Variants in CD80 observed in about 807,000 individuals in gnomAD.
CD80 encodes CD80 molecule.
Under a neutral mutation model 27.1 loss-of-function variants are expected in CD80, and 13 were observed. The ratio of observed to expected loss-of-function variants is 0.48; its 90% confidence interval spans 0.31 to 0.76. The LOEUF is 0.76. Among genes scored for constraint, CD80 ranks in the 30% least tolerant of loss-of-function variants. The pLI, the probability that CD80 is intolerant of heterozygous loss-of-function variation, is 0.04. For synonymous variants in CD80, 125 were observed against 125.5 expected, an observed-to-expected ratio of 1.00 and a Z score of 0.03; for missense variants, 277 against 347.9, an observed-to-expected ratio of 0.80 and a Z score of 1.62.
intron 2 of CD80, among the ~76,000 whole-genome samples, chr3:119,552,769 G>C (rs990201446): frequency 6.6e-6 from 1 of 152,104 alleles, no homozygotes; most frequent in African/African-American, 2.4e-5. Context: ...TACGCAACAT[G>C]GATGAACCTG....
chr3:119,541,049 C>CA (rs112578347), intron 3 of CD80, among the ~76,000 whole-genome samples: 26,789 of 141,160 alleles, frequency 0.19, 2,794 homozygotes, highest in African/African-American at 0.29. Flanking sequence ...GACTCCATCT[C>CA]AAAAAAAAAA....
chr3:119,551,919 C>T (rs889789608), intron 2 of CD80, among the ~76,000 whole-genome samples: 2 of 152,224 alleles, frequency 1.3e-5, no homozygotes, highest in East Asian at 1.9e-4. Flanking sequence ...CCTCCTGCAC[C>T]TCTACCCAGC....
chr3:119,544,720 A>G lies in CD80; in HGVS notation c.248T>C (p.Ile83Thr), dbSNP rs2107744977. ...GGTCCGGTTCTTGTACTCGGGCCAT[A>G]TATTCATGTCCCCAGACATCATAGT... is the stretch of plus-strand genomic sequence containing the variant. The part of the protein sequence containing the change: ...VLTMMSGDMN[I>T]WPEYKNRTIF... Residue 83 changes from isoleucine to threonine, a missense_variant, in exon 3 of 7, where the codon ATA (isoleucine) becomes ACA (threonine). Physicochemically the swap from Ile to Thr is moderately conservative, Grantham distance 89. Coordinates refer to ENST00000264246, the MANE Select transcript of CD80 (RefSeq NM_005191.4). 6.2e-7 allele frequency: 1 copy of G among 1,614,198 alleles called. No individual in the cohort carries two copies. Among genetic ancestry groups the G allele is most frequent in the East Asian group, 2.2e-5 (1 of 44,884 alleles).
Position 119,544,876 on chromosome 3 carries a change from A to C in CD80, c.101-9T>G. On this transcript the variant is annotated splice_polypyrimidine_tract_variant and intron_variant, in intron 2 of 6. Coordinates refer to ENST00000264246, the MANE Select transcript of CD80 (RefSeq NM_005191.4). ...GGTCACGTGGATAACACCTATGGAG[A>C]GGCAAACAGAACAAGATTGTATATT... is the stretch of plus-strand genomic sequence containing the variant. The C allele has an allele frequency of 2.5e-6, 4 of 1,608,388 alleles. No individual in the cohort carries two copies. The highest frequency in any genetic ancestry group is 3.4e-6 in the Non-Finnish European group (4 of 1,175,838).
At chr3:119,549,032 G>A (rs529789207) in intron 2 of CD80, among the ~76,000 whole-genome samples, 68 of 150,130 alleles carry the variant, frequency 4.5e-4, no homozygotes, top group African/African-American at 1.3e-3. Flanking sequence ...GTGAGACTCC[G>A]TCTCAAAATA....
At chr3:119,551,258 A>C (rs1353951323) in intron 2 of CD80, among the ~76,000 whole-genome samples, 1 of 152,194 alleles carries the variant, frequency 6.6e-6, no homozygotes, top group Non-Finnish European at 1.5e-5. Context: ...TCTGGGCTTC[A>C]GGTTCCATCT....
chr3:119,544,229 G>A (rs1161256370), intron 3 of CD80: 3 of 324,718 alleles, frequency 9.2e-6, no homozygotes, highest in Non-Finnish European at 1.7e-5. Flanking sequence ...TATATTGCTG[G>A]GTCAAGTGCA....
At position 119,527,732 on chromosome 3, in the gene CD80, C is replaced by A; in HGVS notation, c.*38+1G>T. 6.5e-7 allele frequency: 1 copy of A among 1,544,616 alleles called. No homozygotes were observed. The highest frequency in any genetic ancestry group is 9.0e-7 in the Non-Finnish European group (1 of 1,117,024). On this transcript the variant is annotated splice_donor_variant, in intron 6 of 6. Coordinates refer to ENST00000264246, the MANE Select transcript of CD80 (RefSeq NM_005191.4). LOFTEE classifies it low-confidence loss of function (3UTR_SPLICE). ...ATCCCAGAAGAGATGACGGAGGCTA[C>A]CTTCAGATCTTTTCAGCCCCTTGCT...
chr3:119,544,272 C>T (rs533230916), intron 3 of CD80: 3 of 432,946 alleles, frequency 6.9e-6, no homozygotes, highest in Non-Finnish European at 1.3e-5. Flanking sequence ...ATCAAAGATG[C>T]CCCTTGGTGA....
chr3:119,556,888 C>T lies in CD80; in HGVS notation c.100+741G>A, dbSNP rs143539746. Among the ~76,000 whole-genome samples, 49 of 152,142 alleles carry T rather than the reference C, an allele frequency of 3.2e-4. No homozygotes were observed. In the East Asian group the frequency reaches 9.1e-3, roughly 28 times the overall value. ...AACCATCCTGCCAGCAGGGACAAGC[C>T]TCACCCTTCTTGACAGTCCCAAAAG... On this transcript the variant is annotated intron_variant, in intron 2 of 6. Coordinates refer to ENST00000264246, the MANE Select transcript of CD80 (RefSeq NM_005191.4).
At chr3:119,545,479 T>C (rs953840216) in intron 2 of CD80, among the ~76,000 whole-genome samples, 1 of 152,214 alleles carries the variant, frequency 6.6e-6, no homozygotes, top group African/African-American at 2.4e-5. Context: ...AATCTGAAAC[T>C]CTATGCCCAT....
intron 2 of CD80, among the ~76,000 whole-genome samples, chr3:119,546,367 A>G (rs2082202794): frequency 6.6e-6 from 1 of 152,134 alleles, no homozygotes; most frequent in African/African-American, 2.4e-5. Flanking sequence ...TGGTGGCTCT[A>G]TGGAGGGGAC....
At chr3:119,557,528 C>G (rs1460819093) in intron 2 of CD80, 101 bp downstream of exon 2, 2 of 690,244 alleles carry the variant, frequency 2.9e-6, no homozygotes, top group African/African-American at 1.8e-5. Context: ...AAGGTTCCTT[C>G]CAGCTTATAG....
chr3:119,555,049 C>A (rs2082255142), intron 2 of CD80, among the ~76,000 whole-genome samples: 1 of 152,178 alleles, frequency 6.6e-6, no homozygotes, highest in South Asian at 2.1e-4. Context: ...CTTAGAAATG[C>A]AGAATCTCAG....
At chr3:119,540,012 T>C (rs1217182905) in intron 3 of CD80, among the ~76,000 whole-genome samples, 1 of 152,134 alleles carries the variant, frequency 6.6e-6, no homozygotes, top group Non-Finnish European at 1.5e-5. Flanking sequence ...CAGGCTGGAG[T>C]GCAGTGGCAC....
intron 2 of CD80, among the ~76,000 whole-genome samples, chr3:119,545,272 A>T (rs942028711): frequency 6.6e-6 from 1 of 152,146 alleles, no homozygotes; most frequent in Non-Finnish European, 1.5e-5. Flanking sequence ...TGAACCCAGG[A>T]GGCGGAGGTT....
rs2082059437 is a variant in CD80, at chr3:119,525,485, A to C, written c.*303T>G. ...GGCGCTGGCCTTTATAATTCGGGTC[A>C]CCTCCCTGGGCCTCAGTGCCTTTGT... On this transcript the variant is annotated 3_prime_UTR_variant, in exon 7 of 7. Coordinates refer to ENST00000264246, the MANE Select transcript of CD80 (RefSeq NM_005191.4). The C allele has an allele frequency of 6.6e-6, 1 of 152,036 alleles. No homozygotes were observed. Among genetic ancestry groups the C allele is most frequent in the South Asian group, 2.1e-4 (1 of 4,824 alleles). 9.4% of individuals were successfully genotyped at this position (152,036 alleles called of 1,614,324 possible).
At chr3:119,554,947 A>G (rs1402990242) in intron 2 of CD80, among the ~76,000 whole-genome samples, 1 of 152,234 alleles carries the variant, frequency 6.6e-6, no homozygotes, top group Non-Finnish European at 1.5e-5. Flanking sequence ...TCTGTTCTTC[A>G]GTAACACTTT....
chr3:119,547,844 C>T (rs1016337932), intron 2 of CD80, among the ~76,000 whole-genome samples: 3 of 152,218 alleles, frequency 2.0e-5, no homozygotes. Flanking sequence ...ATACATACCA[C>T]TGTGTGCTGC....
Sources: gnomAD v4.1 joint callset for allele counts (sites outside exome capture counted in the v4.1 genomes callset) on GRCh38, gnomAD v4.1.1 for gene constraint, MANE v1.5 for transcripts, NCBI Gene and HGNC (gene_info 2026-07-23, HGNC 2026-07-21) for gene names.